UEVLD: variants seen among roughly 807,000 people sequenced by gnomAD.
The protein encoded by UEVLD is ubiquitin-conjugating enzyme E2 variant 3.
A neutral mutation model predicts 58.6 loss-of-function variants in UEVLD; 47 were observed. The ratio of observed to expected loss-of-function variants is 0.80; its 90% CI spans 0.63 to 1.02. UEVLD has a LOEUF of 1.02. Ranked by LOEUF, UEVLD falls within the 50% of genes least tolerant of loss-of-function variation. UEVLD has a pLI of 0.00. For synonymous variants in UEVLD, 197 were observed against 195.3 expected (o/e 1.01, Z -0.07); for missense variants, 510 against 550.6 (o/e 0.93, Z 0.74).
chr11:18,578,721 T>C lies in UEVLD; in HGVS notation c.127+3A>G, dbSNP rs1218460419. The C allele has an allele frequency of 3.1e-6, 5 of 1,598,128 alleles. No homozygotes were observed. Among genetic ancestry groups the C allele is most frequent in the Non-Finnish European group, 2.6e-6 (3 of 1,170,124 alleles). ...CATTTAAACTAGAGGATATGATTCTTACCATAGGTGTCCATGGAATATTTG... is the reference window on the plus strand; with the variant it reads ...CATTTAAACTAGAGGATATGATTCTCACCATAGGTGTCCATGGAATATTTG... On this transcript the variant is annotated splice_donor_region_variant and intron_variant, in intron 2 of 11. Transcript: ENST00000396197.
At chr11:18,564,108 A>T (rs1294035952) in intron 6 of UEVLD, 1 of 194,678 alleles carries the variant, frequency 5.1e-6, no homozygotes, top group Non-Finnish European at 1.1e-5. Context: ...CTGAGCAGCC[A>T]GCTTTTAAGA....
Position 18,575,400 on chromosome 11 carries a change from C to T in UEVLD, c.140G>A (p.Ser47Asn). Residue 47 changes from serine (S) to asparagine (N), a missense_variant, in exon 3 of 12, where the codon AGT becomes AAT. Coordinates refer to ENST00000396197, the MANE Select transcript of UEVLD (RefSeq NM_001040697.4). The part of the protein sequence containing the change: ...YSMDTYVFKD[S>N]SQKDLLNFTG... ...AAAATTCAGCAGGTCTTTCTGAGAA[C>T]TATCTTTAAAAACTAGAAGAAAAAA... 1 of 1,600,148 alleles carries T rather than the reference C, an allele frequency of 6.2e-7. No individual in the cohort carries two copies. Among genetic ancestry groups the T allele is most frequent in the Non-Finnish European group, 8.5e-7 (1 of 1,175,592 alleles).
intron 1 of UEVLD, among the ~76,000 whole-genome samples, chr11:18,583,242 CAG>C (rs1485969578): frequency 2.9e-4 from 25 of 87,472 alleles, no homozygotes; most frequent in Admixed American, 1.6e-3. Context: ...TTTTTTTTGA[CAG>C]AGTTTCACTC....
At chr11:18,538,264 T>C (rs76974341) in intron 9 of UEVLD, among the ~76,000 whole-genome samples, 7,267 of 152,020 alleles carry the variant, frequency 0.048, 294 homozygotes, top group East Asian at 0.19. Context: ...TTCTTTTGTG[T>C]TCTCTTGCAC....
intron 8 of UEVLD, among the ~76,000 whole-genome samples, chr11:18,545,074 A>ATTTTT (rs773948158): frequency 0.022 from 1,881 of 84,486 alleles, 35 homozygotes; most frequent in Non-Finnish European, 0.026. Context: ...CTATATCTAT[A>ATTTTT]TTTTTTTTTT....
chr11:18,571,348 A>AAAAAC (rs1183738296), intron 3 of UEVLD, among the ~76,000 whole-genome samples: 1 of 152,166 alleles, frequency 6.6e-6, no homozygotes, highest in East Asian at 1.9e-4. Context: ...TCTGTCTCAA[A>AAAAAC]AAAACAAAAC....
intron 9 of UEVLD, among the ~76,000 whole-genome samples, chr11:18,542,392 C>T (rs1044167582): frequency 6.6e-6 from 1 of 151,888 alleles, no homozygotes; most frequent in Non-Finnish European, 1.5e-5. Flanking sequence ...TACATTTGCT[C>T]CAAGTTCTTG....
chr11:18,538,328 T>G (rs1052326430), intron 9 of UEVLD, among the ~76,000 whole-genome samples: 5 of 150,308 alleles, frequency 3.3e-5, no homozygotes, highest in Non-Finnish European at 3.0e-5. Context: ...CCAGGATGGA[T>G]TGCAGTGGCA....
At chr11:18,547,535 AAG>A (rs769202101) in intron 7 of UEVLD, among the ~76,000 whole-genome samples, 51 of 152,162 alleles carry the variant, frequency 3.4e-4, no homozygotes, top group Non-Finnish European at 6.3e-4. Flanking sequence ...ATAAAAAAGG[AAG>A]AGTGTATCCC....
intron 6 of UEVLD, among the ~76,000 whole-genome samples, chr11:18,561,710 C>T (rs1450970923): frequency 1.3e-5 from 2 of 151,648 alleles, no homozygotes; most frequent in South Asian, 2.1e-4. Context: ...GGTGTGGTGA[C>T]GGGTGCCTGT....
intron 3 of UEVLD, among the ~76,000 whole-genome samples, chr11:18,574,241 A>G (rs1349111688): frequency 6.6e-6 from 1 of 152,214 alleles, no homozygotes; most frequent in Non-Finnish European, 1.5e-5. Context: ...TCCTGAGTTC[A>G]AGAGATTCCC....
intron 1 of UEVLD, among the ~76,000 whole-genome samples, chr11:18,588,228 G>C (rs1329065407): frequency 6.6e-6 from 1 of 152,220 alleles, no homozygotes. Context: ...CAATCTTACA[G>C]GGAGTGACTG....
chr11:18,544,600 C>T (rs986894681), intron 9 of UEVLD, 23 bp downstream of exon 9: 2 of 1,577,274 alleles, frequency 1.3e-6, no homozygotes, highest in East Asian at 4.8e-5. Flanking sequence ...CCACCACACC[C>T]AGCCTAAAAA....
chr11:18,554,146 C>T (rs1851651019), intron 7 of UEVLD, among the ~76,000 whole-genome samples: 2 of 152,118 alleles, frequency 1.3e-5, no homozygotes, highest in Admixed American at 6.5e-5. Context: ...GGATGGAGTG[C>T]AATGGCACGA....
chr11:18,565,577 C>T (rs1002707753), intron 5 of UEVLD, among the ~76,000 whole-genome samples: 3 of 152,092 alleles, frequency 2.0e-5, no homozygotes, highest in South Asian at 2.1e-4. Flanking sequence ...GCCTGTAATC[C>T]CTGAACTTTG....
chr11:18,585,372 C>T (rs981002079), intron 1 of UEVLD, among the ~76,000 whole-genome samples: 1 of 152,160 alleles, frequency 6.6e-6, no homozygotes, highest in Non-Finnish European at 1.5e-5. Context: ...TTATGTTTGG[C>T]GTAAGGCAGG....
In UEVLD at chr11:18,570,377, C is replaced by A; in HGVS notation, c.194G>T (p.Gly65Val). 1 of 1,524,848 alleles carries A rather than the reference C, an allele frequency of 6.6e-7. No homozygotes were observed. Among genetic ancestry groups the A allele is most frequent in the Non-Finnish European group, 8.7e-7 (1 of 1,143,498 alleles). 94.5% of individuals were successfully genotyped at this position (1,524,848 alleles called of 1,614,324 possible). A position where few individuals can be genotyped will look rare whatever the true frequency, so the allele number is the denominator to read the frequency against. ...ACGAATTGGTATGTTATATGTATTA[C>A]CTATTTGAGACAAAAGAAACATATC... ...FTGTIPVMYQ[G>V]NTYNIPIRFW... Residue 65 changes from glycine to valine, a missense_variant and splice_region_variant, in exon 4 of 12, where the codon GGT becomes GTT. Gly to Val is a moderately radical substitution (Grantham distance 109, BLOSUM62 -3). Transcript: ENST00000396197.
chr11:18,577,079 A>T (rs1852954884), intron 2 of UEVLD, among the ~76,000 whole-genome samples: 1 of 152,126 alleles, frequency 6.6e-6, no homozygotes, highest in African/African-American at 2.4e-5. Context: ...GCTACTAGAG[A>T]GACTGATGCA....
At chr11:18,564,355 G>T (rs868053258) in intron 6 of UEVLD, among the ~76,000 whole-genome samples, 31 of 152,178 alleles carry the variant, frequency 2.0e-4, no homozygotes, top group African/African-American at 7.5e-4. Context: ...AGGCTCTGGA[G>T]GGAGGCAGGC....
Sources: gnomAD v4.1 joint callset for allele counts (sites outside exome capture counted in the v4.1 genomes callset) on GRCh38, gnomAD v4.1.1 for gene constraint, MANE v1.5 for transcripts, NCBI Gene and HGNC (gene_info 2026-07-23, HGNC 2026-07-21) for gene names.